The following ATF3 variants were observed in gnomAD, a reference collection of about 807,000 sequenced individuals.
ATF3 encodes the protein cyclic AMP-dependent transcription factor ATF-3.
Under a neutral mutation model 18.4 loss-of-function variants are expected in ATF3, and 10 were observed. That is an observed-to-expected ratio of 0.54 (90% confidence interval 0.34 to 0.92). ATF3 has a LOEUF of 0.92. Among genes scored for constraint, ATF3 ranks in the 40% least tolerant of loss-of-function variants. ATF3 has a pLI of 0.02. For missense variants in ATF3, 183 were observed against 222.3 expected (o/e 0.82, Z 1.12); for synonymous variants, 78 against 87.9 (o/e 0.89, Z 0.63).
chr1:212,578,413 T>A (rs1664621512), intron 1 of ATF3, among the ~76,000 whole-genome samples: 1 of 152,232 alleles, frequency 6.6e-6, no homozygotes, highest in Non-Finnish European at 1.5e-5. Flanking sequence ...GTGTACAATA[T>A]GATCAATCAA....
chr1:212,581,611 T>C (rs1009545161), intron 1 of ATF3, among the ~76,000 whole-genome samples: 2 of 152,140 alleles, frequency 1.3e-5, no homozygotes, highest in Non-Finnish European at 1.5e-5. Flanking sequence ...AAATTAATGG[T>C]TTGAAGAGAA....
chr1:212,597,970 A>G (rs2102639473), intron 1 of ATF3, among the ~76,000 whole-genome samples: 1 of 152,304 alleles, frequency 6.6e-6, no homozygotes, highest in South Asian at 2.1e-4. Flanking sequence ...CCAGGATTTG[A>G]TTTGGATGGA....
At chr1:212,607,418 G>T (rs1171081132), upstream of ATF3, among the ~76,000 whole-genome samples, 2 of 152,218 alleles carry the variant, frequency 1.3e-5, no homozygotes, top group Non-Finnish European at 2.9e-5. Context: ...CAGTCAAGAA[G>T]GTTCCTTGGT....
chr1:212,610,417 A>G (rs1654847820), intron 1 of ATF3, among the ~76,000 whole-genome samples: 1 of 152,334 alleles, frequency 6.6e-6, no homozygotes, highest in Admixed American at 6.5e-5. Context: ...ATTGTTTTGC[A>G]GTTAGCATTG....
intron 1 of ATF3, among the ~76,000 whole-genome samples, chr1:212,599,743 G>A (rs1654429319): frequency 6.6e-6 from 1 of 152,136 alleles, no homozygotes; most frequent in South Asian, 2.1e-4. Flanking sequence ...CCAATGCTAT[G>A]CTCTATAACA....
intron 1 of ATF3, among the ~76,000 whole-genome samples, chr1:212,567,473 A>G (rs1344857950): frequency 2.0e-5 from 3 of 152,192 alleles, no homozygotes; most frequent in African/African-American, 7.2e-5. Context: ...AAGGATTCAG[A>G]TGTCATGAAA....
intron 1 of ATF3, among the ~76,000 whole-genome samples, chr1:212,583,683 G>T (rs888171681): frequency 4.6e-5 from 7 of 152,172 alleles, no homozygotes; most frequent in African/African-American, 1.7e-4. Context: ...TCCCAACCTT[G>T]ACCTCTCTCC....
rs1491571234 is a variant in ATF3 at position 212,609,386 on chromosome 1, G to GT, written c.-5+456_-5+457insT. 1.3e-4 allele frequency among the ~76,000 whole-genome samples: 19 copies of GT among 142,202 alleles called. 1 individual carries two copies. The South Asian group carries it at 1.5e-3, about 11-fold the overall frequency. The allele number at this position is 142,202 out of a possible 152,430, so 93.3% of individuals were successfully genotyped here. ...CGATCCTTCCCGGGTGGGGGGGGGG[G>GT]GGCGCAGAGAGGCACGAAGGCCGGA... On this transcript the variant is annotated intron_variant, in intron 1 of 3. Coordinates refer to ENST00000341491, the MANE Select transcript of ATF3 (RefSeq NM_001674.4).
At chr1:212,582,603 T>A (rs4951617) in intron 1 of ATF3, among the ~76,000 whole-genome samples, 30,270 of 152,044 alleles carry the variant, frequency 0.2, 3,077 homozygotes, top group Middle Eastern at 0.25. Flanking sequence ...TGGGCTTCCG[T>A]CCCCTGCACT....
At chr1:212,582,881 G>A (rs1664709668) in intron 1 of ATF3, among the ~76,000 whole-genome samples, 1 of 152,054 alleles carries the variant, frequency 6.6e-6, no homozygotes, top group Non-Finnish European at 1.5e-5. Context: ...TTTACACACC[G>A]AGAAACAGAG....
chr1:212,611,242 G>A (rs116552483), intron 1 of ATF3, among the ~76,000 whole-genome samples: 56 of 152,342 alleles, frequency 3.7e-4, no homozygotes, highest in African/African-American at 1.3e-3. Flanking sequence ...AGAACTTGGG[G>A]TCAATGAGAG....
At chr1:212,611,494 A>G (rs2102652437) in intron 1 of ATF3, among the ~76,000 whole-genome samples, 1 of 152,298 alleles carries the variant, frequency 6.6e-6, no homozygotes, top group Non-Finnish European at 1.5e-5. Context: ...CAGAAAGCCT[A>G]AGTGATTTGT....
chr1:212,569,094 T>C (rs1050208245), intron 1 of ATF3, among the ~76,000 whole-genome samples: 3 of 152,208 alleles, frequency 2.0e-5, no homozygotes, highest in African/African-American at 7.2e-5. Context: ...AATAAACTTA[T>C]TTGAATTTTT....
chr1:212,574,325 CT>C (rs1664534502), intron 1 of ATF3, among the ~76,000 whole-genome samples: 1 of 151,756 alleles, frequency 6.6e-6, no homozygotes, highest in South Asian at 2.1e-4. Flanking sequence ...ATTTTCTGTC[CT>C]TATATTTAAT....
rs1039402885 is a variant in ATF3, at chr1:212,590,449, T to C, written c.-4-24569T>C. On this transcript the variant is annotated intron_variant, in intron 1 of 3. Transcript: ENST00000366981. ...GCAAAAAAAAAATGTCACATAAGCATACTTTTTGGAGTTAGGAAGTTCACC... is the reference window on the plus strand; with the variant it reads ...GCAAAAAAAAAATGTCACATAAGCACACTTTTTGGAGTTAGGAAGTTCACC... 2.0e-5 allele frequency among the ~76,000 whole-genome samples: 3 copies of C among 152,146 alleles called. No individual in the cohort carries two copies. In the East Asian group the frequency reaches 5.8e-4, roughly 29 times the overall value.
intron 1 of ATF3, among the ~76,000 whole-genome samples, chr1:212,597,263 A>G (rs980590526): frequency 1.3e-5 from 2 of 152,142 alleles, no homozygotes; most frequent in Non-Finnish European, 2.9e-5. Context: ...CTTAGAAAAT[A>G]ATATCACCAT....
intron 1 of ATF3, among the ~76,000 whole-genome samples, chr1:212,592,506 T>TTTTTTTTTTTTTTTTTTTGAGACGG (rs1423575478): frequency 1.3e-5 from 2 of 150,602 alleles, no homozygotes; most frequent in Non-Finnish European, 3.0e-5. Context: ...ATATGTCTCT[T>TTTTTTTTTTTTTTTTTTTGAGACGG]AAGTCTATTT....
chr1:212,595,222 G>GA (rs1168127023), intron 1 of ATF3, among the ~76,000 whole-genome samples: 1 of 152,178 alleles, frequency 6.6e-6, no homozygotes, highest in African/African-American at 2.4e-5. Context: ...TGGCTCGTTA[G>GA]AAAAAACAGT....
chr1:212,614,944 T>G (rs1202201887), intron 1 of ATF3, 74 bp from the exon 2 acceptor site: 2 of 1,612,864 alleles, frequency 1.2e-6, no homozygotes, highest in East Asian at 2.2e-5. Flanking sequence ...GTGTTGGAGG[T>G]CTGGTGGGGG....
Sources: allele counts gnomAD v4.1 joint callset (sites outside exome capture counted in the v4.1 genomes callset), GRCh38; gene constraint gnomAD v4.1.1; transcripts MANE v1.5; gene names NCBI Gene and HGNC (gene_info 2026-07-23, HGNC 2026-07-21).